HLA-DQA1: variants seen among roughly 807,000 people sequenced by gnomAD.
HLA-DQA1 encodes the protein HLA class II histocompatibility antigen, DQ alpha 1 chain.
A neutral mutation model predicts 20.7 loss-of-function variants in HLA-DQA1; 10 were observed. The ratio of observed to expected loss-of-function variants is 0.48; its 90% CI spans 0.30 to 0.82. HLA-DQA1 has a LOEUF of 0.82. Ranked by LOEUF, HLA-DQA1 falls within the 40% of genes least tolerant of loss-of-function variation. The pLI, the probability that HLA-DQA1 is intolerant of heterozygous loss-of-function variation, is 0.07. For missense variants in HLA-DQA1, 127 were observed against 293.0 expected, an observed-to-expected ratio of 0.43 and a Z score of 4.14; for synonymous variants, 39 against 109.2, an observed-to-expected ratio of 0.36 and a Z score of 4.01.
At chr6:32,638,132 T>A in intron 1 of HLA-DQA1, among the ~76,000 whole-genome samples, 1 of 128,374 alleles carries the variant, frequency 7.8e-6, no homozygotes, top group Non-Finnish European at 1.7e-5. Flanking sequence ...CTCATATGTG[T>A]CACCTCACAA....
downstream of HLA-DQA1, among the ~76,000 whole-genome samples, chr6:32,647,887 A>T (rs1782037355): frequency 6.6e-6 from 1 of 152,104 alleles, no homozygotes; most frequent in South Asian, 2.1e-4. Context: ...TATCATTAAA[A>T]TAAGGTGAAA....
the HLA-DQA1 span, among the ~76,000 whole-genome samples, chr6:32,653,539 G>A: frequency 2.5e-4 from 23 of 93,780 alleles, 7 homozygotes; most frequent in African/African-American, 5.9e-4. Flanking sequence ...GGGATTACAG[G>A]CGTGAACCAC....
At chr6:32,648,186 A>G (rs62404123), downstream of HLA-DQA1, among the ~76,000 whole-genome samples, 12,571 of 95,750 alleles carry the variant, frequency 0.13, 3,862 homozygotes, top group South Asian at 0.35. Context: ...GAAAGAGAAG[A>G]TGAGAATTTA....
intron 1 of HLA-DQA1, among the ~76,000 whole-genome samples, chr6:32,640,209 G>C (rs9272622): frequency 0.17 from 14,119 of 80,878 alleles, 4,799 homozygotes; most frequent in Admixed American, 0.24. Flanking sequence ...ATCCTCCTCA[G>C]AGAACTTACT....
downstream of HLA-DQA1, among the ~76,000 whole-genome samples, chr6:32,651,333 C>A: frequency 1.3e-5 from 1 of 78,696 alleles, no homozygotes; most frequent in Middle Eastern, 8.8e-3. Context: ...GCCTGTAATC[C>A]CAGCACTTTG....
intron 3 of HLA-DQA1, 65 bp from the exon 4 acceptor site, chr6:32,642,545 C>CAGAG (rs1781523004): frequency 7.7e-7 from 1 of 1,307,122 alleles, no homozygotes; most frequent in East Asian, 2.4e-5. Context: ...TCTACCCCAT[C>CAGAG]CCATCCCACA....
downstream of HLA-DQA1, among the ~76,000 whole-genome samples, chr6:32,650,631 A>G (rs1188962044): frequency 6.6e-5 from 6 of 90,842 alleles, 3 homozygotes; most frequent in Admixed American, 2.7e-4. Context: ...GTTCTCGCTC[A>G]TAAGTGGGAG....
intron 1 of HLA-DQA1, 102 bp downstream of exon 1, chr6:32,637,642 G>C (rs9272444): frequency 0.061 from 28,692 of 471,986 alleles, 3,731 homozygotes; most frequent in Middle Eastern, 0.087. Flanking sequence ...TTTCCTAAGG[G>C]CCCTTTCAGT....
At position 32,642,443 on chromosome 6, in the gene HLA-DQA1, A is replaced by T. The variant is rs116613962; in HGVS notation, c.614-167A>T. 3 of 571,144 alleles carry T rather than the reference A, an allele frequency of 5.3e-6. 1 individual carries two copies. The highest frequency in any genetic ancestry group is 5.5e-5 in the African/African-American group (2 of 36,548). 35.4% of individuals were successfully genotyped at this position (571,144 alleles called of 1,614,324 possible). On this transcript the variant is annotated intron_variant, in intron 3 of 4. Coordinates refer to ENST00000343139, the MANE Select transcript of HLA-DQA1 (RefSeq NM_002122.5). ...TGAAAATGAAAGTACACTCTACAGGATGGGAGTGGGCCTGCCACTTCATGG... is the reference window on the plus strand; with the variant it reads ...TGAAAATGAAAGTACACTCTACAGGTTGGGAGTGGGCCTGCCACTTCATGG...
chr6:32,653,034 G>A, the HLA-DQA1 span, among the ~76,000 whole-genome samples: 1 of 149,130 alleles, frequency 6.7e-6, no homozygotes, highest in Non-Finnish European at 1.5e-5. Flanking sequence ...TTCTTCCTGG[G>A]AAGTGGAGTA....
In HLA-DQA1 at chr6:32,642,211, G is replaced by T. The variant is rs762316160; in HGVS notation, c.571G>T (p.Val191Leu). The T allele has an allele frequency of 3.6e-6, 5 of 1,384,152 alleles. No individual in the cohort carries two copies. Among genetic ancestry groups the T allele is most frequent in the East Asian group, 2.5e-5 (1 of 39,870 alleles). The allele number at this position is 1,384,152 out of a possible 1,614,324, so 85.7% of individuals were successfully genotyped here. A position where few individuals can be genotyped will look rare whatever the true frequency, so the allele number is the denominator to read the frequency against. ...PSADEIYDCKVEHWGLDQPLL... is the reference protein window; with the variant it reads ...PSADEIYDCKLEHWGLDQPLL... The stretch of plus-strand genomic sequence containing the variant: ...TGCTGATGAGATTTATGACTGCAAG[G>T]TGGAGCACTGGGGCCTGGACCAGCC... The change falls in exon 3 of 5, where the codon GTG (valine) becomes TTG (leucine). Residue 191 changes from valine (V) to leucine (L), a missense_variant. Around this residue, in one of 4 missense-constraint regions of HLA-DQA1, gnomAD observed 46 missense variants for 152.1 expected, o/e 0.30. Coordinates refer to ENST00000343139, the MANE Select transcript of HLA-DQA1 (RefSeq NM_002122.5).
chr6:32,653,549 C>T, the HLA-DQA1 span, among the ~76,000 whole-genome samples: 1 of 93,070 alleles, frequency 1.1e-5, no homozygotes, highest in Non-Finnish European at 2.4e-5. Flanking sequence ...GCGTGAACCA[C>T]TGTGGCCGGC....
At chr6:32,655,247 A>T in the HLA-DQA1 span, among the ~76,000 whole-genome samples, 1 of 79,044 alleles carries the variant, frequency 1.3e-5, no homozygotes, top group Non-Finnish European at 2.8e-5. Context: ...TCTTGTTCAA[A>T]TAAAGTTTTC....
downstream of HLA-DQA1, among the ~76,000 whole-genome samples, chr6:32,649,064 C>A (rs1782086625): frequency 2.1e-5 from 2 of 96,302 alleles, 1 homozygote; most frequent in African/African-American, 7.1e-5. Flanking sequence ...ACCTAGGAAT[C>A]CAACTTACAA....
intron 1 of HLA-DQA1, among the ~76,000 whole-genome samples, chr6:32,640,799 C>A: frequency 1.9e-5 from 1 of 53,328 alleles, no homozygotes; most frequent in Non-Finnish European, 3.3e-5. Context: ...TAAGATCCTG[C>A]ATGCTTTTCC....
At chr6:32,653,774 G>C in the HLA-DQA1 span, among the ~76,000 whole-genome samples, 2 of 97,786 alleles carry the variant, frequency 2.0e-5, no homozygotes, top group African/African-American at 7.0e-5. Context: ...AGTGGATAAA[G>C]AAACTGGTCT....
At chr6:32,648,434 C>T (rs1198274939), downstream of HLA-DQA1, among the ~76,000 whole-genome samples, 2 of 96,508 alleles carry the variant, frequency 2.1e-5, 1 homozygote, top group Non-Finnish European at 4.6e-5. Flanking sequence ...TTATCCACCA[C>T]GATCAAGTTG....
rs41269951 is a variant in HLA-DQA1, at chr6:32,640,401, C to G, written c.83-909C>G. Among the ~76,000 whole-genome samples the G allele has an allele frequency of 3.5e-3, 319 of 91,478 alleles. 10 individuals are homozygous for G. Among genetic ancestry groups the G allele is most frequent in the East Asian group, 5.7e-3 (15 of 2,618 alleles). The allele number at this position is 91,478 out of a possible 152,430, so 60.0% of individuals were successfully genotyped here. ...GGTAAAAGGCTTACACATGTCTTGA[C>G]AAAAAAGTCCAGTTTGGCTCATTTG... On this transcript the variant is annotated intron_variant, in intron 1 of 4. Coordinates refer to ENST00000343139, the MANE Select transcript of HLA-DQA1 (RefSeq NM_002122.5).
chr6:32,641,418 G>A lies in HLA-DQA1; in HGVS notation c.191G>A (p.Arg64Lys), dbSNP rs36219699. The change falls in exon 2 of 5, where the codon AGG (arginine) becomes AAG (lysine). Residue 64 changes from arginine to lysine, a missense_variant. By Grantham distance (26) the Arg-to-Lys change is conservative. Transcript: ENST00000343139. ...GAGCAGTTCTACGTGGACCTGGAGA[G>A]GAAGGAGACTGCCTGGCGGTGGCCT... ...GDEQFYVDLERKETAWRWPEF... is the reference protein window; with the variant it reads ...GDEQFYVDLEKKETAWRWPEF... The A allele has an allele frequency of 0.15, 167,000 of 1,083,716 alleles. 60,950 individuals carry two copies. Among genetic ancestry groups the A allele is most frequent in the South Asian group, 0.34 (25,000 of 73,294 alleles). 67.1% of individuals were successfully genotyped at this position (1,083,716 alleles called of 1,614,324 possible).
Sources: allele counts gnomAD v4.1 joint callset (sites outside exome capture counted in the v4.1 genomes callset), GRCh38; gene constraint gnomAD v4.1.1; regional missense constraint gnomAD v4.1.1; transcripts MANE v1.5; gene names NCBI Gene and HGNC (gene_info 2026-07-23, HGNC 2026-07-21).